The following STN1 variants were observed in gnomAD, a reference collection of about 807,000 sequenced individuals.
The protein encoded by STN1 is CST complex subunit STN1.
In STN1, 29 loss-of-function variants were observed where a neutral mutation model predicts 45.5. That is an observed-to-expected ratio of 0.64 (90% CI 0.47 to 0.87). STN1 has a LOEUF of 0.87. Among genes scored for constraint, STN1 ranks in the 40% least tolerant of loss-of-function variants. The pLI is 0.00. For missense variants in STN1, 376 were observed against 441.4 expected (o/e 0.85, Z 1.33); for synonymous variants, 148 against 159.0 (o/e 0.93, Z 0.52).
chr10:103,910,631 TA>T lies in STN1; in HGVS notation c.134-10del. On this transcript the variant is annotated splice_polypyrimidine_tract_variant and intron_variant, in intron 2 of 9. Coordinates refer to ENST00000224950, the MANE Select transcript of STN1 (RefSeq NM_024928.5). ...ATTGTACAAAAATACACCTAAAATT[TA>T]AAAAAAGCAAAGTCGACATAATGTA... The T allele has an allele frequency of 4.0e-6, 6 of 1,514,716 alleles. No individual in the cohort carries two copies. The highest frequency in any genetic ancestry group is 2.3e-5 in the East Asian group (1 of 44,354). The allele number at this position is 1,514,716 out of a possible 1,614,324, so 93.8% of individuals were successfully genotyped here. A position where few individuals can be genotyped will look rare whatever the true frequency, so the allele number is the denominator to read the frequency against.
intron 3 of STN1, among the ~76,000 whole-genome samples, chr10:103,909,516 A>G (rs1297330787): frequency 3.2e-4 from 8 of 25,372 alleles, no homozygotes; most frequent in South Asian, 0.015. Context: ...ATATGTATAT[A>G]TGTATATATA....
intron 8 of STN1, among the ~76,000 whole-genome samples, chr10:103,890,345 A>G (rs987561241): frequency 1.3e-5 from 2 of 152,222 alleles, no homozygotes; most frequent in African/African-American, 4.8e-5. Context: ...CTAGGCAAAC[A>G]GAAGTGTTGA....
chr10:103,898,697 C>T (rs911641138), intron 6 of STN1, among the ~76,000 whole-genome samples, 180 bp downstream of exon 6: 2 of 152,186 alleles, frequency 1.3e-5, no homozygotes, highest in African/African-American at 4.8e-5. Context: ...TGCTATTATT[C>T]TCTTCATGTT....
intron 8 of STN1, among the ~76,000 whole-genome samples, chr10:103,889,905 T>C (rs1843128363): frequency 1.3e-5 from 2 of 152,106 alleles, no homozygotes; most frequent in South Asian, 4.1e-4. Flanking sequence ...GGTTTCACCA[T>C]GTTGACCAGG....
rs1843122997 is a variant in STN1, at chr10:103,889,232, A to C, written c.877-88T>G. On this transcript the variant is annotated intron_variant, in intron 8 of 9. Transcript: ENST00000224950. ...AGACTTCCAAATTAGTATTCAGGAT[A>C]GTTTCTAAAGATTACATAATAATCA... 4 of 822,062 alleles carry C rather than the reference A, an allele frequency of 4.9e-6. No homozygotes were observed. In the South Asian group the frequency reaches 5.7e-5, roughly 12 times the overall value. The allele number at this position is 822,062 out of a possible 1,614,324, so 50.9% of individuals were successfully genotyped here. A position where few individuals can be genotyped will look rare whatever the true frequency, so the allele number is the denominator to read the frequency against.
intron 7 of STN1, among the ~76,000 whole-genome samples, chr10:103,895,422 T>C (rs1166924948): frequency 1.3e-5 from 2 of 152,236 alleles, no homozygotes; most frequent in African/African-American, 4.8e-5. Context: ...TATCCAAACA[T>C]GCTGATAGAA....
chr10:103,904,795 A>C (rs569610528), intron 4 of STN1, among the ~76,000 whole-genome samples: 4 of 152,310 alleles, frequency 2.6e-5, no homozygotes, highest in African/African-American at 4.8e-5. Flanking sequence ...ACCTTGACTT[A>C]TGTAATAATG....
chr10:103,885,332 A>G (rs566756616), intron 9 of STN1, among the ~76,000 whole-genome samples: 2 of 152,260 alleles, frequency 1.3e-5, no homozygotes, highest in South Asian at 4.2e-4. Context: ...CACGGTAGGG[A>G]GGAGCAGAGG....
intron 4 of STN1, among the ~76,000 whole-genome samples, chr10:103,902,479 G>C (rs934838925): frequency 3.9e-5 from 6 of 152,170 alleles, no homozygotes; most frequent in African/African-American, 1.4e-4. Flanking sequence ...CCAAAAGGAG[G>C]CTCAAGCTGT....
At chr10:103,889,220 A>G (rs1843122951) in intron 8 of STN1, 76 bp from the exon 9 acceptor site, 1 of 891,594 alleles carries the variant, frequency 1.1e-6, no homozygotes, top group African/African-American at 1.6e-5. Context: ...CTTCCAAATT[A>G]GTATTCAGGA....
At chr10:103,887,742 T>G (rs1224250885) in intron 9 of STN1, among the ~76,000 whole-genome samples, 3 of 152,282 alleles carry the variant, frequency 2.0e-5, no homozygotes, top group Admixed American at 1.3e-4. Context: ...TGGGTAGATG[T>G]AGATGTTAAA....
At position 103,880,175 on chromosome 10, in the gene STN1, T is replaced by A. The variant is rs1564909722; in HGVS notation, c.*2509A>T. On this transcript the variant is annotated 3_prime_UTR_variant, in exon 10 of 10. Transcript: ENST00000224950. The stretch of plus-strand genomic sequence containing the variant: ...GGAGTTTTATTGAGTGATGAAACAG[T>A]TTTCAACAGAGAGGAGACGTGGGGG... 6.6e-6 allele frequency among the ~76,000 whole-genome samples: 1 copy of A among 151,994 alleles called. No homozygotes were observed. The highest frequency in any genetic ancestry group is 1.9e-4 in the East Asian group (1 of 5,176).
At position 103,880,433 on chromosome 10, in the gene STN1, C is replaced by T. The variant is rs1433283204; in HGVS notation, c.*2251G>A. Among the ~76,000 whole-genome samples the T allele has an allele frequency of 6.6e-6, 1 of 152,198 alleles. No homozygotes were observed. Among genetic ancestry groups the T allele is most frequent in the Non-Finnish European group, 1.5e-5 (1 of 68,044 alleles). The stretch of plus-strand genomic sequence containing the variant: ...AGGACCAGCAATCTGGTCTTTTAGC[C>T]TTCAGGCTGATCTTTGCTTGAACGT... On this transcript the variant is annotated 3_prime_UTR_variant, in exon 10 of 10. Transcript: ENST00000224950.
At chr10:103,914,932 C>T (rs184238505) in intron 2 of STN1, among the ~76,000 whole-genome samples, 2 of 152,326 alleles carry the variant, frequency 1.3e-5, no homozygotes, top group Admixed American at 1.3e-4. Context: ...CTCAGGCCAA[C>T]TGCACTTCTG....
intron 4 of STN1, among the ~76,000 whole-genome samples, chr10:103,903,288 C>T (rs1000544248): frequency 1.3e-5 from 2 of 152,168 alleles, no homozygotes; most frequent in Non-Finnish European, 2.9e-5. Context: ...TTTGCTGACT[C>T]CCCATCTAGA....
intron 9 of STN1, among the ~76,000 whole-genome samples, chr10:103,885,529 C>A (rs913055562): frequency 6.6e-6 from 1 of 152,128 alleles, no homozygotes; most frequent in Non-Finnish European, 1.5e-5. Flanking sequence ...AAAGTGATCT[C>A]CAGTCACTTC....
chr10:103,908,641 G>A (rs538833946), intron 3 of STN1, among the ~76,000 whole-genome samples: 1 of 152,288 alleles, frequency 6.6e-6, no homozygotes, highest in African/African-American at 2.4e-5. Context: ...GCAGTCAGAT[G>A]CTTTTTATTT....
In STN1 at chr10:103,882,497, A is replaced by C. The variant is rs1356990496; in HGVS notation, c.*187T>G. 1.1e-5 allele frequency: 6 copies of C among 563,384 alleles called. No homozygotes were observed. Among genetic ancestry groups the C allele is most frequent in the Non-Finnish European group, 1.8e-5 (6 of 328,076 alleles). 34.9% of individuals were successfully genotyped at this position (563,384 alleles called of 1,614,324 possible). A position where few individuals can be genotyped will look rare whatever the true frequency, so the allele number is the denominator to read the frequency against. ...AGATCAAAGTCATTGTACACCAAGG[A>C]CATAGTGGACAGAAGGGAGCCAACA... On this transcript the variant is annotated 3_prime_UTR_variant, in exon 10 of 10. Coordinates refer to ENST00000224950, the MANE Select transcript of STN1 (RefSeq NM_024928.5).
intron 6 of STN1, chr10:103,898,379 T>A (rs1356654156): frequency 6.5e-6 from 1 of 153,086 alleles, no homozygotes; most frequent in African/African-American, 2.4e-5. Flanking sequence ...TTTTCTCCCC[T>A]ATAAAAAAGT....
Sources: gnomAD v4.1 joint callset for allele counts (sites outside exome capture counted in the v4.1 genomes callset) on GRCh38, gnomAD v4.1.1 for gene constraint, MANE v1.5 for transcripts, NCBI Gene and HGNC (gene_info 2026-07-23, HGNC 2026-07-21) for gene names.